AUTS2: variants seen among roughly 807,000 people sequenced by gnomAD.
The protein encoded by AUTS2 is autism susceptibility gene 2 protein.
A neutral mutation model predicts 112.4 loss-of-function variants in AUTS2; 17 were observed. That is an observed-to-expected ratio of 0.15 (90% CI 0.10 to 0.23). The LOEUF (loss-of-function observed/expected upper bound fraction) is 0.23. Ranked by LOEUF, AUTS2 falls within the 10% of genes least tolerant of loss-of-function variation. AUTS2 has a pLI of 1.00. For missense variants in AUTS2, 1,510 were observed against 1,701.6 expected (o/e 0.89, Z 1.98); for synonymous variants, 751 against 702.7 (o/e 1.07, Z -1.09).
chr7:70,787,478 A>G (rs2129561074), intron 18 of AUTS2, 47 bp downstream of exon 18: 1 of 1,389,198 alleles, frequency 7.2e-7, no homozygotes, highest in East Asian at 2.4e-5. Context: ...AGCCTGCTCT[A>G]TGCCAAGTAC....
At chr7:70,724,636 AG>A (rs1786914216) in intron 6 of AUTS2, among the ~76,000 whole-genome samples, 1 of 151,502 alleles carries the variant, frequency 6.6e-6, no homozygotes, top group African/African-American at 2.4e-5. Flanking sequence ...TAGTACAGAC[AG>A]GGTTTTACCG....
intron 1 of AUTS2, among the ~76,000 whole-genome samples, chr7:69,839,082 C>T (rs544386922): frequency 2.0e-5 from 3 of 152,230 alleles, no homozygotes; most frequent in South Asian, 2.1e-4. Context: ...GATTTCTGTT[C>T]GTAATCAGAA....
At chr7:70,009,571 T>C (rs1799703272) in intron 2 of AUTS2, among the ~76,000 whole-genome samples, 1 of 152,242 alleles carries the variant, frequency 6.6e-6, no homozygotes. Context: ...GTATTGCATT[T>C]TTCCTCGTGG....
intron 4 of AUTS2, among the ~76,000 whole-genome samples, chr7:70,135,875 T>A (rs1806530976): frequency 1.3e-5 from 2 of 152,200 alleles, no homozygotes; most frequent in African/African-American, 4.8e-5. Flanking sequence ...TAGGTTGAGA[T>A]GCTGGAAGTA....
At chr7:70,435,270 A>G (rs959278991) in intron 4 of AUTS2, among the ~76,000 whole-genome samples, 3 of 152,278 alleles carry the variant, frequency 2.0e-5, no homozygotes, top group African/African-American at 7.2e-5. Flanking sequence ...TACAACGCCC[A>G]GAGGTTTACC....
chr7:70,657,979 C>T (rs754634783), intron 5 of AUTS2, among the ~76,000 whole-genome samples: 7 of 152,074 alleles, frequency 4.6e-5, no homozygotes, highest in African/African-American at 7.2e-5. Flanking sequence ...CCTGTTCACA[C>T]GGATATATTT....
chr7:70,557,296 C>T (rs908821216), intron 5 of AUTS2, among the ~76,000 whole-genome samples: 6 of 152,154 alleles, frequency 3.9e-5, no homozygotes, highest in African/African-American at 9.7e-5. Flanking sequence ...TGAAGACCCT[C>T]GGGGTCTCCA....
intron 2 of AUTS2, among the ~76,000 whole-genome samples, chr7:70,008,134 C>G (rs1397112311): frequency 6.6e-6 from 1 of 152,038 alleles, no homozygotes; most frequent in Admixed American, 6.6e-5. Context: ...TAAAACATGT[C>G]TCCTTCTGTT....
At chr7:70,568,119 T>G (rs2129524846) in intron 5 of AUTS2, among the ~76,000 whole-genome samples, 1 of 152,354 alleles carries the variant, frequency 6.6e-6, no homozygotes, top group South Asian at 2.1e-4. Flanking sequence ...TTCTTCATGT[T>G]TTGACTCCTA....
At chr7:70,059,712 A>G (rs1006503427) in intron 2 of AUTS2, among the ~76,000 whole-genome samples, 2 of 152,080 alleles carry the variant, frequency 1.3e-5, no homozygotes, top group Non-Finnish European at 2.9e-5. Flanking sequence ...GTTCATGGTA[A>G]ATGTAGGAAC....
At chr7:70,563,218 C>T (rs1801562162) in intron 5 of AUTS2, among the ~76,000 whole-genome samples, 1 of 152,168 alleles carries the variant, frequency 6.6e-6, no homozygotes, top group African/African-American at 2.4e-5. Flanking sequence ...AAGAATGATA[C>T]TTATTCCCTG....
At chr7:69,673,581 A>C (rs2533430) in intron 1 of AUTS2, among the ~76,000 whole-genome samples, 93,579 of 152,074 alleles carry the variant, frequency 0.62, 29,099 homozygotes, top group East Asian at 0.71. Flanking sequence ...GTGTTCACAC[A>C]AGTTGCTTGT....
chr7:70,547,131 C>G (rs903850421), intron 5 of AUTS2, among the ~76,000 whole-genome samples: 3 of 152,146 alleles, frequency 2.0e-5, no homozygotes, highest in Non-Finnish European at 4.4e-5. Context: ...CCAGTAAAAT[C>G]CCTCATGCCC....
intron 1 of AUTS2, among the ~76,000 whole-genome samples, chr7:69,835,831 A>G (rs745808038): frequency 2.6e-5 from 4 of 152,214 alleles, no homozygotes; most frequent in African/African-American, 7.2e-5. Flanking sequence ...GCTATATACA[A>G]CACCCCAGAG....
intron 2 of AUTS2, among the ~76,000 whole-genome samples, chr7:70,046,575 C>A (rs1343748145): frequency 1.3e-5 from 2 of 152,056 alleles, no homozygotes; most frequent in Admixed American, 6.6e-5. Context: ...AACTCAGAAA[C>A]AACTGGCAGT....
chr7:70,294,229 C>A (rs545476496), intron 4 of AUTS2: 1 of 152,058 alleles, frequency 6.6e-6, no homozygotes, highest in Non-Finnish European at 1.5e-5. Context: ...GTAATTGTTA[C>A]CTAAATGTTT....
intron 4 of AUTS2, among the ~76,000 whole-genome samples, chr7:70,307,938 C>T (rs1789561440): frequency 6.6e-6 from 1 of 152,160 alleles, no homozygotes; most frequent in Non-Finnish European, 1.5e-5. Flanking sequence ...ATGTACCCCT[C>T]GATAAGTAAA....
intron 5 of AUTS2, among the ~76,000 whole-genome samples, chr7:70,529,837 G>A (rs1044361154): frequency 6.6e-6 from 1 of 152,224 alleles, no homozygotes; most frequent in Non-Finnish European, 1.5e-5. Context: ...TTCAGGAATA[G>A]TATCCAGAAG....
chr7:69,620,526 G>A (rs1261092922), intron 1 of AUTS2, among the ~76,000 whole-genome samples: 1 of 152,106 alleles, frequency 6.6e-6, no homozygotes, highest in Non-Finnish European at 1.5e-5. Context: ...GATGTTAGAT[G>A]GATGACGAAA....
Sources: gnomAD v4.1 joint callset for allele counts (sites outside exome capture counted in the v4.1 genomes callset) on GRCh38, gnomAD v4.1.1 for gene constraint, MANE v1.5 for transcripts, NCBI Gene and HGNC (gene_info 2026-07-23, HGNC 2026-07-21) for gene names.